COL19A1: variants seen among roughly 807,000 people sequenced by gnomAD.
The protein encoded by COL19A1 is collagen alpha-1(XIX) chain.
Under a neutral mutation model 190.2 loss-of-function variants are expected in COL19A1, and 159 were observed. That is an observed-to-expected ratio of 0.84 (90% CI 0.73 to 0.95). COL19A1 has a LOEUF of 0.95. Ranked by LOEUF, COL19A1 falls within the 40% of genes least tolerant of loss-of-function variation. The pLI, the probability that COL19A1 is intolerant of heterozygous loss-of-function variation, is 0.00. For synonymous variants in COL19A1, 509 were observed against 458.9 expected, an observed-to-expected ratio of 1.11 and a Z score of -1.39; for missense variants, 1,418 against 1,431.9, an observed-to-expected ratio of 0.99 and a Z score of 0.16.
chr6:69,979,720 T>G (rs1775938725), intron 11 of COL19A1, among the ~76,000 whole-genome samples: 1 of 151,534 alleles, frequency 6.6e-6, no homozygotes, highest in South Asian at 2.1e-4. Flanking sequence ...CTAAGAGACT[T>G]TGGGAGAAAA....
chr6:70,099,135 C>T (rs1027597752), intron 15 of COL19A1, among the ~76,000 whole-genome samples: 26 of 150,476 alleles, frequency 1.7e-4, no homozygotes, highest in Non-Finnish European at 3.0e-4. Flanking sequence ...CTGTTATGCT[C>T]TAAAGCTTCC....
intron 15 of COL19A1, among the ~76,000 whole-genome samples, chr6:70,079,949 C>A (rs937377602): frequency 1.3e-5 from 2 of 151,896 alleles, no homozygotes; most frequent in African/African-American, 2.4e-5. Context: ...ACTGAAGATG[C>A]AAGCACAACA....
chr6:69,975,854 G>GT, intron 11 of COL19A1, among the ~76,000 whole-genome samples: 1 of 152,124 alleles, frequency 6.6e-6, no homozygotes, highest in East Asian at 1.9e-4. Context: ...TAGAATGAGC[G>GT]TATTTATTTA....
At chr6:70,003,062 C>T (rs1286297822) in intron 11 of COL19A1, among the ~76,000 whole-genome samples, 1 of 152,112 alleles carries the variant, frequency 6.6e-6, no homozygotes, top group East Asian at 1.9e-4. Context: ...TTAGCCGTGT[C>T]CCATAGATTC....
At chr6:69,983,238 C>T (rs183709685) in intron 11 of COL19A1, among the ~76,000 whole-genome samples, 74 of 152,008 alleles carry the variant, frequency 4.9e-4, no homozygotes, top group African/African-American at 1.5e-3. Context: ...ACATAATTTT[C>T]GTTAGATTTA....
intron 25 of COL19A1, among the ~76,000 whole-genome samples, chr6:70,146,031 C>T (rs895485784): frequency 6.6e-6 from 1 of 152,032 alleles, no homozygotes; most frequent in Admixed American, 6.6e-5. Context: ...GATAAAACCT[C>T]TTAAAAGTTT....
intron 9 of COL19A1, among the ~76,000 whole-genome samples, chr6:69,943,248 GT>G (rs1346508959): frequency 1.3e-5 from 2 of 151,990 alleles, no homozygotes; most frequent in Non-Finnish European, 2.9e-5. Flanking sequence ...GATTATTGGG[GT>G]TTTTGTTTGT....
At chr6:70,114,245 C>T (rs973608829) in intron 16 of COL19A1, among the ~76,000 whole-genome samples, 5 of 152,108 alleles carry the variant, frequency 3.3e-5, no homozygotes, top group South Asian at 2.1e-4. Context: ...TTTCACCACA[C>T]GATGCCCTGC....
At chr6:69,920,354 CAG>C (rs941002471) in intron 4 of COL19A1, among the ~76,000 whole-genome samples, 4 of 152,116 alleles carry the variant, frequency 2.6e-5, no homozygotes, top group African/African-American at 9.7e-5. Flanking sequence ...TATGATTAAA[CAG>C]GGGGCTGCTG....
chr6:70,120,852 A>C lies in COL19A1; in HGVS notation c.1279-1028A>C, dbSNP rs987222391. Among the ~76,000 whole-genome samples the C allele has an allele frequency of 5.3e-5, 8 of 152,336 alleles. No individual in the cohort carries two copies. The South Asian group carries it at 1.0e-3, about 20-fold the overall frequency. On this transcript the variant is annotated intron_variant, in intron 16 of 50. Transcript: ENST00000620364. Reference sequence around the variant, plus strand: ...CCTGGTGTAAATGTTAACCAACATTAATCTTTTCTGTATACCTAAGGTGTT... The same window carrying C: ...CCTGGTGTAAATGTTAACCAACATTCATCTTTTCTGTATACCTAAGGTGTT...
At chr6:69,902,433 ATGCCT>A (rs1197837070) in intron 4 of COL19A1, among the ~76,000 whole-genome samples, 1 of 152,132 alleles carries the variant, frequency 6.6e-6, no homozygotes, top group Non-Finnish European at 1.5e-5. Flanking sequence ...GGCATATTCA[ATGCCT>A]TGAGCCTTGC....
intron 15 of COL19A1, among the ~76,000 whole-genome samples, chr6:70,085,783 A>G (rs3806017): frequency 0.36 from 55,164 of 151,994 alleles, 11,674 homozygotes; most frequent in Non-Finnish European, 0.48. Context: ...TGGTACCTGG[A>G]TCACTAGACC....
chr6:69,949,666 G>A (rs1035528313), intron 9 of COL19A1, among the ~76,000 whole-genome samples: 1 of 151,794 alleles, frequency 6.6e-6, no homozygotes, highest in Non-Finnish European at 1.5e-5. Context: ...CTTAACATGT[G>A]TGTCACCTCA....
chr6:70,046,810 C>A (rs1276708639), intron 14 of COL19A1, among the ~76,000 whole-genome samples: 1 of 152,100 alleles, frequency 6.6e-6, no homozygotes, highest in African/African-American at 2.4e-5. Context: ...TGTGAAATAA[C>A]TTGCTATAAA....
chr6:70,115,749 G>C (rs541053307), intron 16 of COL19A1, among the ~76,000 whole-genome samples: 1 of 151,182 alleles, frequency 6.6e-6, no homozygotes, highest in East Asian at 1.9e-4. Context: ...ATCTGCTCTT[G>C]GCTTTAGGAA....
chr6:70,124,460 T>G (rs1480652795), intron 17 of COL19A1, among the ~76,000 whole-genome samples: 1 of 152,080 alleles, frequency 6.6e-6, no homozygotes, highest in African/African-American at 2.4e-5. Context: ...ATCTTGCTGA[T>G]GAGTCAGTTT....
intron 18 of COL19A1, among the ~76,000 whole-genome samples, chr6:70,131,554 T>TAAA (rs1785522624): frequency 6.6e-6 from 1 of 152,244 alleles, no homozygotes; most frequent in Non-Finnish European, 1.5e-5. Flanking sequence ...AGTTAGATTT[T>TAAA]ATTGCTAGTA....
chr6:70,017,773 G>T (rs543296209), intron 11 of COL19A1, among the ~76,000 whole-genome samples: 1 of 152,096 alleles, frequency 6.6e-6, no homozygotes, highest in African/African-American at 2.4e-5. Context: ...GAGGGGGCTT[G>T]TCATAAAGAT....
chr6:70,002,617 A>C (rs1777333325), intron 11 of COL19A1, among the ~76,000 whole-genome samples: 1 of 149,336 alleles, frequency 6.7e-6, no homozygotes, highest in South Asian at 2.1e-4. Context: ...ATATATATAT[A>C]TATCTATTTC....
Sources: allele counts gnomAD v4.1 joint callset (sites outside exome capture counted in the v4.1 genomes callset), GRCh38; gene constraint gnomAD v4.1.1; transcripts MANE v1.5; gene names NCBI Gene and HGNC (gene_info 2026-07-23, HGNC 2026-07-21).